The following NCOA4 variants were observed in gnomAD, a reference collection of about 807,000 sequenced individuals.
NCOA4 encodes nuclear receptor coactivator 4, also known as 70 kDa AR-activator.
A neutral mutation model predicts 69.5 loss-of-function variants in NCOA4; 31 were observed. The observed-to-expected ratio is 0.45, with a 90% CI of 0.34 to 0.60. The LOEUF (loss-of-function observed/expected upper bound fraction) is 0.60. Among genes scored for constraint, NCOA4 ranks in the 20% least tolerant of loss-of-function variants. The pLI is 0.02. For missense variants in NCOA4, 600 were observed against 719.2 expected (o/e 0.83, Z 1.90); for synonymous variants, 228 against 252.4 (o/e 0.90, Z 0.92).
intron 1 of NCOA4, among the ~76,000 whole-genome samples, chr10:46,020,989 G>A (rs1198209294): frequency 4.6e-5 from 7 of 152,186 alleles, no homozygotes; most frequent in African/African-American, 1.4e-4. Flanking sequence ...GGTGGAGGAA[G>A]TAAAGGAGGA....
rs1461226505 is a variant in NCOA4, at chr10:46,030,586, C to G, written c.-75G>C. 1 of 152,346 alleles carries G rather than the reference C, an allele frequency of 6.6e-6. No homozygotes were observed. The highest frequency in any genetic ancestry group is 1.5e-5 in the Non-Finnish European group (1 of 68,132). 9.4% of individuals were successfully genotyped at this position (152,346 alleles called of 1,614,324 possible). A position where few individuals can be genotyped will look rare whatever the true frequency, so the allele number is the denominator to read the frequency against. On this transcript the variant is annotated 5_prime_UTR_variant, in exon 1 of 10. Coordinates refer to ENST00000581486, the MANE Select transcript of NCOA4 (RefSeq NM_001145263.2). ...CCTTGGGTGGACTGAGACACGGCCC[C>G]ACACTAACCTACGGCCCAAAGGCAG...
intron 9 of NCOA4, among the ~76,000 whole-genome samples, chr10:46,008,332 C>G (rs1838973545): frequency 6.6e-6 from 1 of 152,206 alleles, no homozygotes; most frequent in Admixed American, 6.5e-5. Flanking sequence ...CCACTAAGAT[C>G]ATTCATGATT....
At chr10:46,028,981 T>C (rs1840308366) in intron 1 of NCOA4, among the ~76,000 whole-genome samples, 1 of 150,634 alleles carries the variant, frequency 6.6e-6, no homozygotes, top group South Asian at 2.1e-4. Context: ...TATGGAGTTT[T>C]ATGAAACCCC....
In NCOA4 at chr10:46,010,369, C is replaced by G. The variant is rs782036990; in HGVS notation, c.1552G>C (p.Ala518Pro). 1 of 1,614,204 alleles carries G rather than the reference C, an allele frequency of 6.2e-7. No homozygotes were observed. Among genetic ancestry groups the G allele is most frequent in the Non-Finnish European group, 8.5e-7 (1 of 1,180,046 alleles). ...PKEVPGTEDR[A>P]GKQKFKSPMN... Reference sequence around the variant, plus strand: ...GGGCTTTTAAACTTCTGTTTGCCAGCTCTGTCTTCAGTACCAGGCACTTCC... The same window carrying G: ...GGGCTTTTAAACTTCTGTTTGCCAGGTCTGTCTTCAGTACCAGGCACTTCC... Residue 518 changes from alanine (A) to proline (P), a missense_variant, in exon 8 of 10, where the codon GCT (alanine) becomes CCT (proline). Ala to Pro is a conservative substitution (Grantham distance 27). Coordinates refer to ENST00000581486, the MANE Select transcript of NCOA4 (RefSeq NM_001145263.2).
At chr10:46,018,652 A>G (rs1412043268) in intron 1 of NCOA4, among the ~76,000 whole-genome samples, 1 of 152,240 alleles carries the variant, frequency 6.6e-6, no homozygotes, top group Non-Finnish European at 1.5e-5. Context: ...ATTCTCAAGT[A>G]TGTGGAGACC....
intron 1 of NCOA4, among the ~76,000 whole-genome samples, chr10:46,020,176 AAC>A: frequency 6.6e-6 from 1 of 152,176 alleles, no homozygotes; most frequent in South Asian, 2.1e-4. Context: ...GGCCATTTTC[AAC>A]AGTTATTCAC....
intron 1 of NCOA4, chr10:46,019,585 C>G: frequency 1.1e-6 from 1 of 927,808 alleles, no homozygotes; most frequent in Non-Finnish European, 1.3e-6. Context: ...AATTCCGGAA[C>G]ATACGGGAGA....
Position 46,005,538 on chromosome 10 carries a change from G to GAACTTTAAAA in NCOA4, c.*1053_*1054insTTTTAAAGTT, listed in dbSNP as rs1838761882. The GAACTTTAAAA allele has an allele frequency of 4.5e-6, 1 of 220,978 alleles. No homozygotes were observed. Among genetic ancestry groups the GAACTTTAAAA allele is most frequent in the Non-Finnish European group, 9.1e-6 (1 of 110,058 alleles). The allele number at this position is 220,978 out of a possible 1,614,324, so 13.7% of individuals were successfully genotyped here. ...CTCCTACACAGACATTTTAAAGCATGGACGTAACTTTAAGGAGACTGAGAA... is the reference window on the plus strand; with the variant it reads ...CTCCTACACAGACATTTTAAAGCATGAACTTTAAAAGACGTAACTTTAAGGAGACTGAGAA... On this transcript the variant is annotated 3_prime_UTR_variant, in exon 10 of 10. Coordinates refer to ENST00000581486, the MANE Select transcript of NCOA4 (RefSeq NM_001145263.2).
intron 8 of NCOA4, 90 bp downstream of exon 8, chr10:46,010,133 A>G (rs1323034378): frequency 1.4e-5 from 21 of 1,455,552 alleles, no homozygotes; most frequent in Non-Finnish European, 1.8e-5. Context: ...GCACCACTGC[A>G]CTCCAGCCTG....
intron 1 of NCOA4, among the ~76,000 whole-genome samples, chr10:46,030,216 C>T (rs7918832): frequency 0.39 from 58,854 of 151,680 alleles, 12,149 homozygotes; most frequent in South Asian, 0.66. Flanking sequence ...TGAGGAGGGT[C>T]GGGGAGGAAA....
chr10:46,024,674 T>C (rs1340175735), intron 1 of NCOA4, among the ~76,000 whole-genome samples: 1 of 152,264 alleles, frequency 6.6e-6, no homozygotes, highest in East Asian at 1.9e-4. Context: ...TGTAGCTTTT[T>C]ACTCCCTTAT....
chr10:46,027,333 A>G (rs557171463), intron 1 of NCOA4: 3 of 1,053,690 alleles, frequency 2.8e-6, no homozygotes, highest in Non-Finnish European at 2.8e-6. Context: ...TCAGAAGTTA[A>G]GCATTGCAAT....
intron 1 of NCOA4, chr10:46,023,444 C>A (rs989123864): frequency 5.1e-6 from 5 of 985,608 alleles, no homozygotes; most frequent in Non-Finnish European, 6.0e-6. Flanking sequence ...ACGCGTCACA[C>A]GGCAACTCCA....
At chr10:46,011,314 C>A in intron 7 of NCOA4, 108 bp from the exon 8 acceptor site, 1 of 1,154,230 alleles carries the variant, frequency 8.7e-7, no homozygotes, top group Non-Finnish European at 1.2e-6. Context: ...GTCGCCCAGG[C>A]TGGAGTGCGG....
chr10:46,029,748 T>G (rs1358687253), intron 1 of NCOA4, among the ~76,000 whole-genome samples: 6 of 152,204 alleles, frequency 3.9e-5, no homozygotes, highest in African/African-American at 1.2e-4. Context: ...CATCATTCCA[T>G]GTTAAATCCC....
In NCOA4 at chr10:46,012,920, T is replaced by C; in HGVS notation, c.677A>G (p.Asp226Gly). 3 of 1,614,156 alleles carry C rather than the reference T, an allele frequency of 1.9e-6. No individual in the cohort carries two copies. Among genetic ancestry groups the C allele is most frequent in the Non-Finnish European group, 2.5e-6 (3 of 1,180,004 alleles). The stretch of plus-strand genomic sequence containing the variant: ...CAAGGTCTGCTTTTGGGTAAGCCAG[T>C]CCTGGGGGTCGGTGCTGGGTATGTA... Reference protein sequence around the residue: ...APYIPSTDPQDWLTQKQTLEN... With the variant: ...APYIPSTDPQGWLTQKQTLEN... Residue 226 changes from aspartate (D) to glycine (G), a missense_variant, in exon 7 of 10, where the codon GAC becomes GGC. Physicochemically the swap from Asp to Gly is moderately conservative, Grantham distance 94. Coordinates refer to ENST00000581486, the MANE Select transcript of NCOA4 (RefSeq NM_001145263.2).
intron 1 of NCOA4, chr10:46,027,496 C>G (rs782367821): frequency 1.3e-6 from 2 of 1,549,726 alleles, no homozygotes; most frequent in Non-Finnish European, 1.7e-6. Flanking sequence ...TGTTCATGTG[C>G]GTTCTATGTT....
chr10:46,008,320 T>C (rs1431313403), intron 9 of NCOA4, among the ~76,000 whole-genome samples: 2 of 152,202 alleles, frequency 1.3e-5, no homozygotes, highest in Non-Finnish European at 2.9e-5. Flanking sequence ...CCATTCTGGG[T>C]GCCACTAAGA....
At chr10:46,020,788 T>G (rs1419525452) in intron 1 of NCOA4, among the ~76,000 whole-genome samples, 1 of 152,226 alleles carries the variant, frequency 6.6e-6, no homozygotes, top group Non-Finnish European at 1.5e-5. Flanking sequence ...CCAAATCAGC[T>G]CTGATCCTAA....
Sources: allele counts gnomAD v4.1 joint callset (sites outside exome capture counted in the v4.1 genomes callset), GRCh38; gene constraint gnomAD v4.1.1; transcripts MANE v1.5; gene names NCBI Gene and HGNC (gene_info 2026-07-23, HGNC 2026-07-21).